Variants in KAZN observed in about 807,000 individuals in gnomAD.
KAZN encodes kazrin, periplakin interacting protein.
A neutral mutation model predicts 87.4 loss-of-function variants in KAZN; 40 were observed. The observed-to-expected ratio is 0.46, with a 90% confidence interval of 0.36 to 0.60. The LOEUF is 0.60. KAZN is among the 20% of genes least tolerant of loss of function. The pLI, the probability that KAZN is intolerant of heterozygous loss-of-function variation, is 0.00. For missense variants in KAZN, 898 were observed against 1,073.9 expected (o/e 0.84, Z 2.29); for synonymous variants, 466 against 458.3 (o/e 1.02, Z -0.22).
intron 2 of KAZN, among the ~76,000 whole-genome samples, chr1:14,268,208 G>T (rs1651646456): frequency 6.6e-6 from 1 of 152,176 alleles, no homozygotes; most frequent in Non-Finnish European, 1.5e-5. Flanking sequence ...GCTTAAGGAA[G>T]TTAATATATG....
chr1:14,077,167 A>C (rs2101577870), intron 1 of KAZN, among the ~76,000 whole-genome samples: 1 of 152,234 alleles, frequency 6.6e-6, no homozygotes, highest in Non-Finnish European at 1.5e-5. Context: ...ATGGGGCTTT[A>C]GGCTGTTCCC....
At chr1:13,985,589 G>A (rs1638979278) in intron 1 of KAZN, among the ~76,000 whole-genome samples, 1 of 150,218 alleles carries the variant, frequency 6.7e-6, no homozygotes. Context: ...ATAGCATTGG[G>A]AGATATACCT....
intron 1 of KAZN, among the ~76,000 whole-genome samples, chr1:14,157,521 T>C (rs1645619473): frequency 6.6e-6 from 1 of 152,216 alleles, no homozygotes; most frequent in Admixed American, 6.5e-5. Flanking sequence ...TAAAAGTTTT[T>C]TCCTTCAGCG....
chr1:14,975,565 T>C (rs1665508147), intron 2 of KAZN, among the ~76,000 whole-genome samples: 1 of 152,198 alleles, frequency 6.6e-6, no homozygotes, highest in African/African-American at 2.4e-5. Context: ...AGATTTAAGG[T>C]ATATATAATT....
intron 2 of KAZN, among the ~76,000 whole-genome samples, chr1:14,575,896 C>T (rs753020040): frequency 2.6e-5 from 4 of 152,168 alleles, no homozygotes; most frequent in Admixed American, 6.5e-5. Context: ...CATTATATCT[C>T]TAGGCTTTAG....
intron 1 of KAZN, among the ~76,000 whole-genome samples, chr1:14,173,380 C>T (rs918692455): frequency 2.0e-5 from 3 of 152,140 alleles, no homozygotes; most frequent in Non-Finnish European, 4.4e-5. Flanking sequence ...CTTCAAGGAC[C>T]ACTTTCCCTG....
At chr1:14,346,166 GA>G (rs1658092087) in intron 2 of KAZN, among the ~76,000 whole-genome samples, 1 of 152,160 alleles carries the variant, frequency 6.6e-6, no homozygotes, top group South Asian at 2.1e-4. Context: ...TAGCTGGGCT[GA>G]ATTCCTGGTA....
chr1:14,055,557 G>A (rs1039632551), intron 1 of KAZN, among the ~76,000 whole-genome samples: 2 of 152,192 alleles, frequency 1.3e-5, no homozygotes, highest in Non-Finnish European at 2.9e-5. Context: ...TCTGAGCTGT[G>A]TTTAGCAGGG....
chr1:14,188,086 C>G (rs1449178661), intron 2 of KAZN, among the ~76,000 whole-genome samples: 1 of 151,860 alleles, frequency 6.6e-6, no homozygotes, highest in African/African-American at 2.4e-5. Context: ...TAATGTTTGT[C>G]TTAAAGAAAC....
At chr1:14,943,414 C>T (rs968513465) in intron 1 of KAZN, among the ~76,000 whole-genome samples, 1 of 152,150 alleles carries the variant, frequency 6.6e-6, no homozygotes, top group Non-Finnish European at 1.5e-5. Flanking sequence ...AATGTTCTAC[C>T]TGAGGATTTA....
In KAZN at chr1:15,104,169, C is replaced by T. The variant is rs140218503; in HGVS notation, c.2028C>T (p.Ser676=). The change falls in exon 13 of 15, where the codon AGC becomes AGT. Residue 676 remains serine (S), a synonymous_variant. Transcript: ENST00000376030. ...ILRRHLAEEM[S]AVFHPANSTG... ...GGAGACACCTGGCAGAGGAGATGAGCGCCGTCTTCCACCCAGCCAAGTGAG... is the reference window on the plus strand; with the variant it reads ...GGAGACACCTGGCAGAGGAGATGAGTGCCGTCTTCCACCCAGCCAAGTGAG... The T allele has an allele frequency of 6.5e-4, 1,036 of 1,589,286 alleles. No individual in the cohort carries two copies. The highest frequency in any genetic ancestry group is 8.4e-4 in the Non-Finnish European group (981 of 1,168,410).
chr1:14,451,584 AAGAGAGAGAG>A (rs5772582), intron 2 of KAZN, among the ~76,000 whole-genome samples: 68 of 148,640 alleles, frequency 4.6e-4, no homozygotes, highest in Admixed American at 1.1e-3. Context: ...CAGTTTCAGA[AAGAGAGAGAG>A]AGAGAGAGAG....
intron 1 of KAZN, among the ~76,000 whole-genome samples, chr1:14,031,628 C>T (rs1273194624): frequency 6.6e-6 from 1 of 152,180 alleles, no homozygotes. Flanking sequence ...TAGATTCTTG[C>T]CACAGGATTT....
chr1:15,103,341 CCACT>C lies in KAZN; in HGVS notation c.1780-17_1780-14del, dbSNP rs1557801396. On this transcript the variant is annotated splice_polypyrimidine_tract_variant and intron_variant, in intron 11 of 14. Transcript: ENST00000376030. Reference sequence around the variant, plus strand: ...GTGTCCCCTTGTCCCTCCGAATGACCCACTGTCTCCCCACAAGGCCCTCCAGGAG... The same window carrying C: ...GTGTCCCCTTGTCCCTCCGAATGACCGTCTCCCCACAAGGCCCTCCAGGAG... The C allele has an allele frequency of 6.5e-6, 10 of 1,544,310 alleles. No individual in the cohort carries two copies. The highest frequency in any genetic ancestry group is 8.8e-6 in the Non-Finnish European group (10 of 1,141,498).
At chr1:14,801,613 C>T (rs568136142) in intron 1 of KAZN, among the ~76,000 whole-genome samples, 35 of 152,200 alleles carry the variant, frequency 2.3e-4, no homozygotes, top group Admixed American at 3.9e-4. Flanking sequence ...TGGCCTGCTC[C>T]GACACAGACT....
chr1:15,041,437 A>G (rs1393799475), intron 3 of KAZN, among the ~76,000 whole-genome samples: 2 of 148,010 alleles, frequency 1.4e-5, no homozygotes, highest in Admixed American at 6.9e-5. Flanking sequence ...TCCCAGGTTC[A>G]AGCGATTCTC....
At chr1:13,899,811 T>G (rs1002812712) in intron 1 of KAZN, among the ~76,000 whole-genome samples, 10 of 152,018 alleles carry the variant, frequency 6.6e-5, no homozygotes, top group African/African-American at 2.2e-4. Flanking sequence ...GCCCAGCTAA[T>G]TTTTGTATTT....
chr1:14,325,608 T>C (rs1656355588), intron 2 of KAZN, among the ~76,000 whole-genome samples: 1 of 152,184 alleles, frequency 6.6e-6, no homozygotes, highest in Non-Finnish European at 1.5e-5. Flanking sequence ...TGGTAAAATA[T>C]ACAAATCTAC....
chr1:14,396,771 C>A (rs189089716), intron 2 of KAZN, among the ~76,000 whole-genome samples: 1 of 152,278 alleles, frequency 6.6e-6, no homozygotes, highest in Non-Finnish European at 1.5e-5. Context: ...GGGAATAAGC[C>A]ACTCAATTTA....
Sources: gnomAD v4.1 joint callset for allele counts (sites outside exome capture counted in the v4.1 genomes callset) on GRCh38, gnomAD v4.1.1 for gene constraint, MANE v1.5 for transcripts, NCBI Gene and HGNC (gene_info 2026-07-23, HGNC 2026-07-21) for gene names.